Variants in CEP89 observed in about 807,000 individuals in gnomAD.
CEP89 encodes centrosomal protein of 89 kDa.
A neutral mutation model predicts 97.6 loss-of-function variants in CEP89; 95 were observed. That is an observed-to-expected ratio of 0.97 (90% CI 0.82 to 1.15). The LOEUF (loss-of-function observed/expected upper bound fraction) is 1.15. CEP89 is among the 50% of genes most tolerant of loss of function. The probability of loss-of-function intolerance (pLI) is 0.00; values close to 1 mark genes in which losing one functional copy is unlikely to be tolerated. For synonymous variants in CEP89, 354 were observed against 349.1 expected, an observed-to-expected ratio of 1.01 and a Z score of -0.16; for missense variants, 869 against 947.7, an observed-to-expected ratio of 0.92 and a Z score of 1.09.
In CEP89 at chr19:32,918,359, T is replaced by A. The variant is rs1160076345; in HGVS notation, c.1269-20A>T. On this transcript the variant is annotated intron_variant, in intron 12 of 18. Transcript: ENST00000305768. ...TGACGCCTGCAATTGATTTACAAGA[T>A]GAAATACTGTGATTCAGGTGCTGAA... The A allele has an allele frequency of 9.7e-6, 15 of 1,550,082 alleles. No individual in the cohort carries two copies. The highest frequency in any genetic ancestry group is 1.2e-5 in the Non-Finnish European group (14 of 1,121,780).
intron 14 of CEP89, among the ~76,000 whole-genome samples, chr19:32,914,930 G>A (rs1009177218): frequency 6.6e-6 from 1 of 151,932 alleles, no homozygotes; most frequent in Non-Finnish European, 1.5e-5. Context: ...GCTGAGGCAG[G>A]AGAATCACTT....
In CEP89 at chr19:32,936,136, T is replaced by A. The variant is rs918470123; in HGVS notation, c.667+1495A>T. 5.3e-5 allele frequency among the ~76,000 whole-genome samples: 8 copies of A among 152,136 alleles called. No individual in the cohort carries two copies. The highest frequency in any genetic ancestry group is 6.5e-5 in the Admixed American group (1 of 15,286). On this transcript the variant is annotated intron_variant, in intron 7 of 18. Transcript: ENST00000305768. This position sits in a 1 kb window ranked among gnomAD's most constrained non-coding sequence, Gnocchi z 4.5. ...CCCGCAGGCTTATGGGTGTTTGCTC[T>A]AGCTGCCTGGTCTCTCCCTGCTCCT...
intron 6 of CEP89, 60 bp downstream of exon 6, chr19:32,939,797 A>C: frequency 1.2e-6 from 1 of 822,166 alleles, no homozygotes; most frequent in East Asian, 2.8e-5. Context: ...AAATTTATGA[A>C]AAATTATGAT....
At chr19:32,952,162 A>G (rs1048934167) in intron 4 of CEP89, among the ~76,000 whole-genome samples, 2 of 152,146 alleles carry the variant, frequency 1.3e-5, no homozygotes, top group African/African-American at 4.8e-5. Context: ...GGATCCCTCA[A>G]AATAAGCTCC....
chr19:32,895,502 G>A (rs896120129), intron 16 of CEP89, among the ~76,000 whole-genome samples: 9 of 152,100 alleles, frequency 5.9e-5, no homozygotes, highest in African/African-American at 1.9e-4. Context: ...CAAACCCACA[G>A]CTAACATCAT....
intron 14 of CEP89, among the ~76,000 whole-genome samples, chr19:32,909,678 A>C (rs1252163370): frequency 6.6e-6 from 1 of 152,244 alleles, no homozygotes; most frequent in Non-Finnish European, 1.5e-5. Flanking sequence ...AAATATCACA[A>C]GGGCTGAAAG....
rs3764633 is a variant in CEP89 at position 32,948,281 on chromosome 19, G to A, written c.580C>T (p.Arg194Trp). ...TTTTTTCTACCTTTTTGTTGTGTCC[G>A]CTGTGGTGCAGGAGGGGAGCCTGGA... The part of the protein sequence containing the change: ...GFPGSPPAPQ[R>W]TQQKDGKHPV... Residue 194 changes from arginine (R) to tryptophan (W), a missense_variant, in exon 5 of 19, where the codon CGG becomes TGG. Transcript: ENST00000305768. 294,562 of 1,589,486 alleles carry A rather than the reference G, an allele frequency of 0.19. 28,269 individuals are homozygous for A. Among genetic ancestry groups the A allele is most frequent in the African/African-American group, 0.22 (16,591 of 73,908 alleles).
chr19:32,885,998 G>A (rs1210688640), intron 17 of CEP89, among the ~76,000 whole-genome samples: 2 of 151,876 alleles, frequency 1.3e-5, no homozygotes, highest in Admixed American at 6.6e-5. Flanking sequence ...TTCTTCCCTG[G>A]GTCATGTCAG....
chr19:32,969,066 A>G (rs1971343779), intron 1 of CEP89: 1 of 152,044 alleles, frequency 6.6e-6, no homozygotes, highest in Non-Finnish European at 1.5e-5. Flanking sequence ...AGTCATTCCA[A>G]TGTCTCTGCA....
intron 16 of CEP89, among the ~76,000 whole-genome samples, chr19:32,891,170 C>A (rs2145875977): frequency 6.6e-6 from 1 of 152,346 alleles, no homozygotes; most frequent in African/African-American, 2.4e-5. Context: ...ACAGCAACCC[C>A]ACCCCCTCCA....
chr19:32,905,765 C>T (rs919409116), intron 14 of CEP89, among the ~76,000 whole-genome samples: 2 of 152,170 alleles, frequency 1.3e-5, no homozygotes, highest in African/African-American at 2.4e-5. Flanking sequence ...GTTGCCCAGG[C>T]TAGAGTACAG....
chr19:32,917,416 C>T (rs1970150330), intron 13 of CEP89, among the ~76,000 whole-genome samples: 2 of 152,204 alleles, frequency 1.3e-5, no homozygotes, highest in Non-Finnish European at 2.9e-5. Flanking sequence ...ACTGCAGCAA[C>T]AGCAGGGGCT....
At position 32,887,740 on chromosome 19, in the gene CEP89, A is replaced by G; in HGVS notation, c.1965+12T>C. On this transcript the variant is annotated intron_variant, in intron 17 of 18. Transcript: ENST00000305768. ...CTGAAAATGAAATCTCTGAGGCCAAATAACCACTTACCTTGACTTTTTCCT... is the reference window on the plus strand; with the variant it reads ...CTGAAAATGAAATCTCTGAGGCCAAGTAACCACTTACCTTGACTTTTTCCT... 6.4e-7 allele frequency: 1 copy of G among 1,571,752 alleles called. No individual in the cohort carries two copies. The highest frequency in any genetic ancestry group is 1.1e-5 in the South Asian group (1 of 89,806).
Position 32,948,287 on chromosome 19 carries a change from G to A in CEP89, c.574C>T (p.Pro192Ser). 6.2e-7 allele frequency: 1 copy of A among 1,607,014 alleles called. No homozygotes were observed. The highest frequency in any genetic ancestry group is 8.5e-7 in the Non-Finnish European group (1 of 1,175,454). ...QDGFPGSPPA[P>S]QRTQQKDGKH... ...CTACCTTTTTGTTGTGTCCGCTGTG[G>A]TGCAGGAGGGGAGCCTGGAAACCCA... Residue 192 changes from proline (P) to serine (S), a missense_variant, in exon 5 of 19, where the codon CCA becomes TCA. By Grantham distance (74) the Pro-to-Ser change is moderately conservative (BLOSUM62 -1). Transcript: ENST00000305768.
rs1028399252 is a variant in CEP89, at chr19:32,901,939, T to C, written c.1566-527A>G. 2.0e-5 allele frequency among the ~76,000 whole-genome samples: 3 copies of C among 151,962 alleles called. No homozygotes were observed. In the South Asian group the frequency reaches 6.2e-4, roughly 32 times the overall value. ...CACACCTGGCCACAAACTTCTTTGA[T>C]GGTGATGATCTAACCTCTTTTTCTC... On this transcript the variant is annotated intron_variant, in intron 14 of 18. Transcript: ENST00000305768.
At chr19:32,917,668 C>T in intron 13 of CEP89, 1 of 286,038 alleles carries the variant, frequency 3.5e-6, no homozygotes, top group Non-Finnish European at 5.2e-6. Flanking sequence ...TTAACCTGGC[C>T]CCCTTACAGT....
In CEP89 at chr19:32,951,511, TTATATATATA is replaced by T. The variant is rs72440449; in HGVS notation, c.492+2094_492+2103del. ...AAAAGAAATAAACAACAACAAAAAA[TTATATATATA>T]TATATATATATATACACACACACAC... is the stretch of plus-strand genomic sequence containing the variant. On this transcript the variant is annotated intron_variant, in intron 4 of 18. Coordinates refer to ENST00000305768, the MANE Select transcript of CEP89 (RefSeq NM_032816.5). Among the ~76,000 whole-genome samples, 1,038 of 132,044 alleles carry T rather than the reference TTATATATATA, an allele frequency of 7.9e-3. 8 individuals are homozygous for T. Among genetic ancestry groups the T allele is most frequent in the African/African-American group, 0.015 (493 of 33,064 alleles). The allele number at this position is 132,044 out of a possible 152,430, so 86.6% of individuals were successfully genotyped here. A position where few individuals can be genotyped will look rare whatever the true frequency, so the allele number is the denominator to read the frequency against.
chr19:32,964,322 C>T (rs1328438244), intron 2 of CEP89, among the ~76,000 whole-genome samples: 1 of 152,076 alleles, frequency 6.6e-6, no homozygotes, highest in East Asian at 1.9e-4. Context: ...CAGGAGTGCA[C>T]CACCACACCC....
intron 4 of CEP89, 46 bp from the exon 5 acceptor site, chr19:32,948,414 C>G (rs549141307): frequency 9.7e-5 from 114 of 1,171,534 alleles, no homozygotes; most frequent in Admixed American, 3.5e-4. Context: ...AGAAAGGTAA[C>G]CTTTATATAC....
Sources: allele counts gnomAD v4.1 joint callset (sites outside exome capture counted in the v4.1 genomes callset), GRCh38; gene constraint gnomAD v4.1.1; non-coding constraint Gnocchi (gnomAD v3.1); transcripts MANE v1.5; gene names NCBI Gene and HGNC (gene_info 2026-07-23, HGNC 2026-07-21).